The following LRRFIP1 variants were observed in gnomAD, a reference collection of about 807,000 sequenced individuals.
LRRFIP1 encodes the protein leucine-rich repeat flightless-interacting protein 1.
LRRFIP1 carries 62 observed loss-of-function variants against 104.4 expected under a neutral mutation model. That is an observed-to-expected ratio of 0.59 (90% CI 0.48 to 0.73). The LOEUF (loss-of-function observed/expected upper bound fraction) is 0.73. Ranked by LOEUF, LRRFIP1 falls within the 30% of genes least tolerant of loss-of-function variation. The probability of loss-of-function intolerance (pLI) is 0.00; values close to 1 mark genes in which losing one functional copy is unlikely to be tolerated. For synonymous variants in LRRFIP1, 300 were observed against 299.0 expected, an observed-to-expected ratio of 1.00 and a Z score of -0.03; for missense variants, 796 against 824.5, an observed-to-expected ratio of 0.97 and a Z score of 0.42.
At chr2:237,762,723 T>A (rs779801125) in intron 19 of LRRFIP1, 1 of 1,614,186 alleles carries the variant, frequency 6.2e-7, no homozygotes, top group Non-Finnish European at 8.5e-7. Flanking sequence ...TGTGTGGACA[T>A]AGAGGTATTC....
At chr2:237,686,114 TC>T (rs1407493568) in intron 1 of LRRFIP1, among the ~76,000 whole-genome samples, 1 of 152,204 alleles carries the variant, frequency 6.6e-6, no homozygotes, top group Non-Finnish European at 1.5e-5. Flanking sequence ...CAGGCTCCTT[TC>T]TGTTCTGTGC....
intron 1 of LRRFIP1, among the ~76,000 whole-genome samples, chr2:237,655,871 G>C (rs1428977017): frequency 6.6e-6 from 1 of 152,202 alleles, no homozygotes; most frequent in Non-Finnish European, 1.5e-5. Flanking sequence ...TTTCTTACTA[G>C]GCTGCTAATG....
intron 19 of LRRFIP1, chr2:237,764,023 G>A: frequency 6.2e-7 from 1 of 1,614,232 alleles, no homozygotes; most frequent in Non-Finnish European, 8.5e-7. Context: ...ATAGCCTAGA[G>A]AACGATGACT....
intron 1 of LRRFIP1, among the ~76,000 whole-genome samples, chr2:237,678,158 G>A (rs2091381465): frequency 6.6e-6 from 1 of 152,072 alleles, no homozygotes; most frequent in Non-Finnish European, 1.5e-5. Context: ...AAGTCCAGCT[G>A]TCTAGATCAT....
chr2:237,779,411 T>C lies in LRRFIP1; in HGVS notation c.1813-11T>C, dbSNP rs2061362358. 1.9e-6 allele frequency: 3 copies of C among 1,612,122 alleles called. No individual in the cohort carries two copies. Among genetic ancestry groups the C allele is most frequent in the Admixed American group, 3.3e-5 (2 of 59,918 alleles). On this transcript the variant is annotated splice_polypyrimidine_tract_variant and intron_variant, in intron 23 of 23. Coordinates refer to ENST00000308482, the MANE Select transcript of LRRFIP1 (RefSeq NM_001137550.2). ...GTTCCTTAAAGCTCACTGCCTTTCC[T>C]CCGTTCCCAGCTCCGCTCTGCATTG...
intron 1 of LRRFIP1, among the ~76,000 whole-genome samples, chr2:237,653,106 C>A (rs2086208486): frequency 6.6e-6 from 1 of 152,180 alleles, no homozygotes; most frequent in Non-Finnish European, 1.5e-5. Flanking sequence ...TGAGACCTCC[C>A]CAGCCATGCT....
intron 1 of LRRFIP1, among the ~76,000 whole-genome samples, chr2:237,706,447 C>T (rs766101097): frequency 6.6e-6 from 1 of 152,168 alleles, no homozygotes; most frequent in African/African-American, 2.4e-5. Context: ...TATGAAACCT[C>T]GTACCTGCTC....
At chr2:237,692,612 G>A (rs1174333412) in intron 1 of LRRFIP1, 4 of 1,361,352 alleles carry the variant, frequency 2.9e-6, no homozygotes, top group Non-Finnish European at 3.9e-6. Flanking sequence ...GGCAGGCGCA[G>A]GTGCCCGGGA....
intron 1 of LRRFIP1, among the ~76,000 whole-genome samples, chr2:237,696,243 C>T (rs559945464): frequency 5.1e-4 from 77 of 152,248 alleles, no homozygotes; most frequent in African/African-American, 1.7e-3. Context: ...ATCAAAGCAA[C>T]GCCACCTGTG....
intron 1 of LRRFIP1, among the ~76,000 whole-genome samples, chr2:237,700,165 G>A (rs1031220706): frequency 6.6e-6 from 1 of 152,206 alleles, no homozygotes; most frequent in African/African-American, 2.4e-5. Context: ...GCATCTGAGG[G>A]TTGGGGGGTT....
At chr2:237,688,715 T>C (rs1023741035) in intron 1 of LRRFIP1, among the ~76,000 whole-genome samples, 1 of 152,032 alleles carries the variant, frequency 6.6e-6, no homozygotes, top group Non-Finnish European at 1.5e-5. Flanking sequence ...CTCCTCGGCC[T>C]CCCCAAGTGC....
chr2:237,752,484 G>A (rs541970775), intron 14 of LRRFIP1, among the ~76,000 whole-genome samples: 39 of 152,250 alleles, frequency 2.6e-4, no homozygotes, highest in Non-Finnish European at 2.9e-4. Flanking sequence ...CTGTCCTGGT[G>A]TGGAGGTACA....
chr2:237,719,403 A>G, intron 4 of LRRFIP1, 120 bp from the exon 5 acceptor site: 1 of 635,728 alleles, frequency 1.6e-6, no homozygotes, highest in Admixed American at 3.2e-5. Flanking sequence ...GAAAATATTT[A>G]TGTGACATTT....
At chr2:237,667,214 TTCCCC>T (rs1457945569) in intron 1 of LRRFIP1, among the ~76,000 whole-genome samples, 2 of 152,136 alleles carry the variant, frequency 1.3e-5, no homozygotes, top group Non-Finnish European at 2.9e-5. Flanking sequence ...GTAAGTGTTG[TTCCCC>T]TCCCTGTGAC....
chr2:237,702,519 C>T (rs1442523654), intron 1 of LRRFIP1, among the ~76,000 whole-genome samples: 1 of 152,170 alleles, frequency 6.6e-6, no homozygotes, highest in African/African-American at 2.4e-5. Flanking sequence ...CCTCCCTCTG[C>T]TCCATCCTAA....
intron 1 of LRRFIP1, among the ~76,000 whole-genome samples, chr2:237,686,085 G>A (rs2092345963): frequency 6.6e-6 from 1 of 152,124 alleles, no homozygotes; most frequent in Non-Finnish European, 1.5e-5. Flanking sequence ...CCATGTAAGT[G>A]TCTCAAGGTT....
At position 237,692,504 on chromosome 2, in the gene LRRFIP1, C is replaced by T. The variant is rs977631081; in HGVS notation, c.97-16040C>T. ...AAGCCGGGAGATCGACTGTTTGAGC[C>T]CGGAAGCGCAGAAGCTGGTAAGAGG... On this transcript the variant is annotated intron_variant, in intron 1 of 23. Transcript: ENST00000308482. 3.3e-5 allele frequency: 51 copies of T among 1,532,512 alleles called. No homozygotes were observed. The highest frequency in any genetic ancestry group is 4.0e-5 in the Non-Finnish European group (46 of 1,137,644). The allele number at this position is 1,532,512 out of a possible 1,614,324, so 94.9% of individuals were successfully genotyped here.
At chr2:237,709,063 C>T (rs531722452) in intron 2 of LRRFIP1, among the ~76,000 whole-genome samples, 5 of 152,206 alleles carry the variant, frequency 3.3e-5, no homozygotes, top group Admixed American at 1.3e-4. Flanking sequence ...TGATCACACA[C>T]GGGCTCCAGG....
chr2:237,676,768 G>T (rs957041595), intron 1 of LRRFIP1, among the ~76,000 whole-genome samples: 1 of 152,196 alleles, frequency 6.6e-6, no homozygotes, highest in Non-Finnish European at 1.5e-5. Context: ...CTCCCAAAGT[G>T]CTGGGATTAC....
Sources: gnomAD v4.1 joint callset for allele counts (sites outside exome capture counted in the v4.1 genomes callset) on GRCh38, gnomAD v4.1.1 for gene constraint, MANE v1.5 for transcripts, NCBI Gene and HGNC (gene_info 2026-07-23, HGNC 2026-07-21) for gene names.